LRIG1: variants seen among roughly 807,000 people sequenced by gnomAD.
LRIG1 encodes the protein leucine rich repeats and immunoglobulin like domains 1.
LRIG1 carries 48 observed loss-of-function variants against 99.2 expected under a neutral mutation model. That is an observed-to-expected ratio of 0.48 (90% CI 0.38 to 0.62). The LOEUF (loss-of-function observed/expected upper bound fraction) is 0.62. LRIG1 is among the 20% of genes least tolerant of loss of function. The pLI is 0.00. For synonymous variants in LRIG1, 772 were observed against 596.1 expected (o/e 1.29, Z -4.30); for missense variants, 1,646 against 1,434.4 (o/e 1.15, Z -2.38).
intron 1 of LRIG1, among the ~76,000 whole-genome samples, chr3:66,484,392 T>TG (rs1348808865): frequency 2.0e-5 from 3 of 152,152 alleles, no homozygotes; most frequent in African/African-American, 7.2e-5. Flanking sequence ...TACAGACTAA[T>TG]GGGGTAGTCA....
At chr3:66,399,152 A>G (rs868863882) in intron 9 of LRIG1, 111 bp from the exon 10 acceptor site, 20 of 886,282 alleles carry the variant, frequency 2.3e-5, no homozygotes, top group Middle Eastern at 2.2e-4. Context: ...GTGCTACCTG[A>G]TAAGTCTGTC....
At chr3:66,387,652 A>T (rs1575649120) in intron 12 of LRIG1, 1 of 152,242 alleles carries the variant, frequency 6.6e-6, no homozygotes, top group South Asian at 2.1e-4. Flanking sequence ...AATTTTCAAC[A>T]AAATATTATG....
At chr3:66,433,369 T>C (rs1575687542) in intron 3 of LRIG1, among the ~76,000 whole-genome samples, 1 of 152,202 alleles carries the variant, frequency 6.6e-6, no homozygotes, top group Non-Finnish European at 1.5e-5. Flanking sequence ...GGACTGTGGG[T>C]GCTGCAGCGC....
chr3:66,433,418 C>G (rs951096310), intron 3 of LRIG1, among the ~76,000 whole-genome samples: 11 of 152,214 alleles, frequency 7.2e-5, no homozygotes, highest in African/African-American at 2.4e-4. Flanking sequence ...CCCCTCACCT[C>G]TACTGGCCAC....
chr3:66,382,650 G>C (rs1037795354), intron 15 of LRIG1, among the ~76,000 whole-genome samples: 8 of 152,172 alleles, frequency 5.3e-5, no homozygotes, highest in African/African-American at 1.9e-4. Context: ...TGGAAAGCCG[G>C]GGCTCACAGA....
chr3:66,410,498 G>A (rs1339207193), intron 6 of LRIG1, among the ~76,000 whole-genome samples: 1 of 152,224 alleles, frequency 6.6e-6, no homozygotes, highest in African/African-American at 2.4e-5. Flanking sequence ...CGACTCGAGT[G>A]TTCATAGGGC....
intron 16 of LRIG1, among the ~76,000 whole-genome samples, chr3:66,381,928 G>C (rs1308014082): frequency 6.6e-6 from 1 of 151,910 alleles, no homozygotes; most frequent in Non-Finnish European, 1.5e-5. Flanking sequence ...TGTAAGACTG[G>C]ATCACAGAGC....
chr3:66,455,891 A>G (rs962294358), intron 2 of LRIG1, among the ~76,000 whole-genome samples: 1 of 152,262 alleles, frequency 6.6e-6, no homozygotes, highest in African/African-American at 2.4e-5. Context: ...CAAAATAAAC[A>G]ATAATAAAGG....
chr3:66,427,262 G>T (rs1703014568), intron 3 of LRIG1, among the ~76,000 whole-genome samples: 1 of 152,194 alleles, frequency 6.6e-6, no homozygotes, highest in Non-Finnish European at 1.5e-5. Flanking sequence ...TAATCAAAAT[G>T]AATGAAGGCG....
intron 6 of LRIG1, among the ~76,000 whole-genome samples, chr3:66,412,086 G>A (rs1314928759): frequency 6.6e-6 from 1 of 152,204 alleles, no homozygotes; most frequent in African/African-American, 2.4e-5. Flanking sequence ...TCTGTATGCT[G>A]CCCTGCTGTT....
intron 3 of LRIG1, among the ~76,000 whole-genome samples, chr3:66,437,248 T>C (rs555619623): frequency 6.6e-6 from 1 of 152,326 alleles, no homozygotes; most frequent in East Asian, 1.9e-4. Context: ...GAGCAGAGAC[T>C]GGGAGAGCCC....
chr3:66,444,491 C>CT (rs146040787), intron 3 of LRIG1, among the ~76,000 whole-genome samples: 9,087 of 152,304 alleles, frequency 0.06, 352 homozygotes, highest in South Asian at 0.15. Context: ...CCCCCAAGGC[C>CT]TAAACAGCTT....
chr3:66,425,311 C>G (rs917118931), intron 3 of LRIG1, among the ~76,000 whole-genome samples: 1 of 152,236 alleles, frequency 6.6e-6, no homozygotes, highest in East Asian at 1.9e-4. Context: ...GCCTGTTCTA[C>G]GTAGCTTGGC....
intron 3 of LRIG1, among the ~76,000 whole-genome samples, chr3:66,425,007 A>T (rs1575680393): frequency 1.3e-5 from 2 of 152,332 alleles, no homozygotes; most frequent in African/African-American, 4.8e-5. Flanking sequence ...TTGCTTAATG[A>T]TATTTTCAAC....
chr3:66,403,625 G>A (rs917037289), intron 9 of LRIG1, among the ~76,000 whole-genome samples: 1 of 152,152 alleles, frequency 6.6e-6, no homozygotes, highest in Non-Finnish European at 1.5e-5. Context: ...CACAGAGGGC[G>A]GGCACTCAGG....
intron 9 of LRIG1, among the ~76,000 whole-genome samples, chr3:66,402,138 A>G (rs7631525): frequency 0.37 from 55,911 of 152,016 alleles, 11,346 homozygotes; most frequent in Middle Eastern, 0.49. Context: ...GAGGAATGCC[A>G]TGGAGCCAGC....
intron 3 of LRIG1, among the ~76,000 whole-genome samples, chr3:66,444,363 C>G (rs746698757): frequency 6.9e-6 from 1 of 143,986 alleles, no homozygotes; most frequent in Non-Finnish European, 1.5e-5. Flanking sequence ...TACTGGAGCT[C>G]ACTCTGCCCA....
intron 1 of LRIG1, among the ~76,000 whole-genome samples, chr3:66,475,456 T>TA (rs1575721069): frequency 6.6e-6 from 1 of 152,190 alleles, no homozygotes; most frequent in African/African-American, 2.4e-5. Context: ...ATGCAACCTG[T>TA]ACTCCAGCTA....
rs777482652 is a variant in LRIG1 at position 66,385,964 on chromosome 3, AGATGG to A, written c.1789+12_1789+16del. The A allele has an allele frequency of 3.7e-6, 6 of 1,606,470 alleles. No individual in the cohort carries two copies. The South Asian group carries it at 6.6e-5, about 18-fold the overall frequency. On this transcript the variant is annotated intron_variant, in intron 13 of 18. Coordinates refer to ENST00000273261, the MANE Select transcript of LRIG1 (RefSeq NM_015541.3). ...TTGTAGGATTCTGGTACTATAACAA[AGATGG>A]TGTTTCCATACCATTCACGGTGAGC...
Sources: allele counts gnomAD v4.1 joint callset (sites outside exome capture counted in the v4.1 genomes callset), GRCh38; gene constraint gnomAD v4.1.1; transcripts MANE v1.5; gene names NCBI Gene and HGNC (gene_info 2026-07-23, HGNC 2026-07-21).